The following SGCZ variants were observed in gnomAD, a reference collection of about 807,000 sequenced individuals.
The protein encoded by SGCZ is zeta-sarcoglycan.
In SGCZ, 40 loss-of-function variants were observed where a neutral mutation model predicts 41.3. The ratio of observed to expected loss-of-function variants is 0.97; its 90% CI spans 0.75 to 1.26. The LOEUF (loss-of-function observed/expected upper bound fraction) is 1.26, where lower values mean the gene tolerates loss of function less well. SGCZ is among the 50% of genes most tolerant of loss of function. The pLI, the probability that SGCZ is intolerant of heterozygous loss-of-function variation, is 0.00. For synonymous variants in SGCZ, 206 were observed against 137.5 expected (o/e 1.50, Z -3.49); for missense variants, 552 against 369.8 (o/e 1.49, Z -4.04).
chr8:14,376,060 T>C (rs1019539512), intron 2 of SGCZ, among the ~76,000 whole-genome samples: 5 of 152,152 alleles, frequency 3.3e-5, no homozygotes, highest in African/African-American at 9.7e-5. Flanking sequence ...ATGCCGGTAA[T>C]CCCAGCACTT....
chr8:15,145,325 C>T (rs919869328), intron 1 of SGCZ, among the ~76,000 whole-genome samples: 1 of 152,178 alleles, frequency 6.6e-6, no homozygotes, highest in Non-Finnish European at 1.5e-5. Context: ...TTTCAAGGAG[C>T]TCAAGAGTTG....
intron 2 of SGCZ, among the ~76,000 whole-genome samples, chr8:14,452,307 G>A (rs1800617836): frequency 6.6e-6 from 1 of 152,108 alleles, no homozygotes; most frequent in Non-Finnish European, 1.5e-5. Flanking sequence ...GGTGAGGGGA[G>A]GGACGAATTA....
intron 1 of SGCZ, among the ~76,000 whole-genome samples, chr8:15,161,804 A>G (rs575015114): frequency 1.3e-5 from 2 of 152,272 alleles, no homozygotes; most frequent in South Asian, 4.1e-4. Context: ...GAAGGCCAAG[A>G]TATGTAGATC....
chr8:14,693,771 T>A (rs1027048034), intron 1 of SGCZ, among the ~76,000 whole-genome samples: 1 of 151,762 alleles, frequency 6.6e-6, no homozygotes, highest in African/African-American at 2.4e-5. Context: ...TTTGTATTTT[T>A]AGTAGGGATG....
chr8:14,318,757 G>C (rs971466203), intron 3 of SGCZ, among the ~76,000 whole-genome samples: 1 of 151,836 alleles, frequency 6.6e-6, no homozygotes, highest in African/African-American at 2.4e-5. Context: ...AATCTCTCTA[G>C]CAAAACAAAC....
intron 2 of SGCZ, among the ~76,000 whole-genome samples, chr8:14,429,386 G>T (rs893379801): frequency 6.6e-6 from 1 of 152,126 alleles, no homozygotes; most frequent in African/African-American, 2.4e-5. Flanking sequence ...AATAGCTAGG[G>T]CAAAGTCACA....
chr8:15,005,844 G>A (rs886543298), intron 1 of SGCZ, among the ~76,000 whole-genome samples: 33 of 152,148 alleles, frequency 2.2e-4, no homozygotes, highest in Admixed American at 2.2e-3. Context: ...AGGTTTGACT[G>A]TTTCATTGTA....
intron 1 of SGCZ, among the ~76,000 whole-genome samples, chr8:15,207,299 T>A (rs2054059): frequency 0.78 from 118,919 of 152,166 alleles, 46,937 homozygotes; most frequent in Non-Finnish European, 0.83. Context: ...TAGCGGGAAT[T>A]ATTTTCTGGG....
intron 1 of SGCZ, among the ~76,000 whole-genome samples, chr8:15,046,982 G>C (rs996152948): frequency 1.3e-5 from 2 of 151,920 alleles, no homozygotes; most frequent in African/African-American, 4.8e-5. Context: ...CAATGAAAAA[G>C]TAACTACAGT....
intron 5 of SGCZ, among the ~76,000 whole-genome samples, chr8:14,137,816 G>C (rs1209384438): frequency 6.6e-6 from 1 of 152,088 alleles, no homozygotes; most frequent in African/African-American, 2.4e-5. Flanking sequence ...TTGAAATTCA[G>C]GAAATACAGA....
At chr8:14,719,121 G>A (rs969732624) in intron 1 of SGCZ, among the ~76,000 whole-genome samples, 2 of 149,654 alleles carry the variant, frequency 1.3e-5, no homozygotes, top group African/African-American at 2.5e-5. Context: ...TTTTGTTCTT[G>A]CTATAGTTTA....
At chr8:14,809,247 TA>T (rs1460280958) in intron 1 of SGCZ, among the ~76,000 whole-genome samples, 1 of 151,234 alleles carries the variant, frequency 6.6e-6, no homozygotes, top group East Asian at 1.9e-4. Context: ...AGAAGAAAAA[TA>T]AAAAAATAAA....
chr8:14,958,956 T>C (rs574513744), intron 1 of SGCZ, among the ~76,000 whole-genome samples: 3 of 152,250 alleles, frequency 2.0e-5, no homozygotes, highest in East Asian at 1.9e-4. Flanking sequence ...TTAATCTTTC[T>C]GTATGTTTGA....
intron 1 of SGCZ, among the ~76,000 whole-genome samples, chr8:15,157,999 C>T (rs1799386110): frequency 6.6e-6 from 1 of 152,176 alleles, no homozygotes; most frequent in African/African-American, 2.4e-5. Flanking sequence ...TTTTGTTTTG[C>T]TGTTGCTAGA....
intron 1 of SGCZ, among the ~76,000 whole-genome samples, chr8:15,146,638 A>C (rs1041423855): frequency 6.6e-6 from 1 of 152,224 alleles, no homozygotes; most frequent in Non-Finnish European, 1.5e-5. Flanking sequence ...GATAATACTA[A>C]AAGAAATCTC....
At chr8:14,497,440 T>C (rs1039798830) in intron 2 of SGCZ, among the ~76,000 whole-genome samples, 14 of 152,128 alleles carry the variant, frequency 9.2e-5, no homozygotes, top group African/African-American at 3.4e-4. Context: ...TCAAGCTTGT[T>C]TGACTCACAC....
At chr8:14,571,876 T>C (rs1189342184) in intron 1 of SGCZ, among the ~76,000 whole-genome samples, 1 of 152,186 alleles carries the variant, frequency 6.6e-6, no homozygotes, top group East Asian at 1.9e-4. Flanking sequence ...CAACAGCCAA[T>C]GCAGTCCATG....
At chr8:15,172,623 T>C (rs896716142) in intron 1 of SGCZ, among the ~76,000 whole-genome samples, 1 of 152,126 alleles carries the variant, frequency 6.6e-6, no homozygotes, top group African/African-American at 2.4e-5. Flanking sequence ...ATTAACGAAA[T>C]ACCAAAGAAA....
intron 1 of SGCZ, among the ~76,000 whole-genome samples, chr8:15,119,130 C>A (rs560368817): frequency 6.6e-6 from 1 of 152,146 alleles, no homozygotes; most frequent in East Asian, 1.9e-4. Flanking sequence ...TGTAATGAGC[C>A]ATTTGTTAGA....
Sources: allele counts gnomAD v4.1 joint callset (sites outside exome capture counted in the v4.1 genomes callset), GRCh38; gene constraint gnomAD v4.1.1; transcripts MANE v1.5; gene names NCBI Gene and HGNC (gene_info 2026-07-23, HGNC 2026-07-21).